RAB2B: variants seen among roughly 807,000 people sequenced by gnomAD.
RAB2B encodes RAB2B, member RAS oncogene family.
In RAB2B, 20 loss-of-function variants were observed where a neutral mutation model predicts 29.8. The ratio of observed to expected loss-of-function variants is 0.67; its 90% confidence interval spans 0.47 to 0.97. RAB2B has a LOEUF of 0.97. Ranked by LOEUF, RAB2B falls within the 50% of genes least tolerant of loss-of-function variation. RAB2B has a pLI of 0.00. For synonymous variants in RAB2B, 93 were observed against 91.7 expected (o/e 1.01, Z -0.08); for missense variants, 218 against 272.0 (o/e 0.80, Z 1.40).
rs546053774 is a variant in RAB2B, at chr14:21,460,506, A to G, written c.*690T>C. 107 of 236,886 alleles carry G rather than the reference A, an allele frequency of 4.5e-4. 1 individual carries two copies. The highest frequency in any genetic ancestry group is 2.5e-3 in the African/African-American group (102 of 40,048). 14.7% of individuals were successfully genotyped at this position (236,886 alleles called of 1,614,324 possible). On this transcript the variant is annotated 3_prime_UTR_variant, in exon 8 of 8. Coordinates refer to ENST00000397762, the MANE Select transcript of RAB2B (RefSeq NM_032846.4). ...AGGTTGAGGCAGGAGAACTGCTTGA[A>G]CCTGGAAAGTGGAGGTTGCAGTGAG... is the stretch of plus-strand genomic sequence containing the variant.
In RAB2B at chr14:21,460,988, A is replaced by G; in HGVS notation, c.*208T>C. 1 of 400,846 alleles carries G rather than the reference A, an allele frequency of 2.5e-6. No homozygotes were observed. The highest frequency in any genetic ancestry group is 4.5e-6 in the Non-Finnish European group (1 of 223,948). 24.8% of individuals were successfully genotyped at this position (400,846 alleles called of 1,614,324 possible). A position where few individuals can be genotyped will look rare whatever the true frequency, so the allele number is the denominator to read the frequency against. On this transcript the variant is annotated 3_prime_UTR_variant, in exon 8 of 8. Coordinates refer to ENST00000397762, the MANE Select transcript of RAB2B (RefSeq NM_032846.4). The stretch of plus-strand genomic sequence containing the variant: ...TAAGAAATTTGTATAGGAGGATAAG[A>G]AGAACCCTAATCTATAGGGAATGCT...
chr14:21,468,689 G>A lies in RAB2B; in HGVS notation c.250C>T (p.Leu84=). The stretch of plus-strand genomic sequence containing the variant: ...GCTCACCTTGTAATGTCGTACACCA[G>A]CAGTGCTCCAGCTGCTCCCCTGTAG... ...SYYRGAAGAL[L]VYDITRRETF... The change falls in exon 4 of 8, where the codon CTG becomes TTG. Residue 84 remains leucine, a synonymous_variant. Coordinates refer to ENST00000397762, the MANE Select transcript of RAB2B (RefSeq NM_032846.4). 4 of 1,578,718 alleles carry A rather than the reference G, an allele frequency of 2.5e-6. No individual in the cohort carries two copies. The highest frequency in any genetic ancestry group is 3.4e-6 in the Non-Finnish European group (4 of 1,164,868).
intron 3 of RAB2B, 85 bp downstream of exon 3, chr14:21,474,782 C>T (rs1890907495): frequency 9.2e-7 from 1 of 1,086,380 alleles, no homozygotes; most frequent in African/African-American, 1.6e-5. Flanking sequence ...CCATTAGTTC[C>T]ACCCTCATCG....
intron 1 of RAB2B, 96 bp from the exon 2 acceptor site, chr14:21,476,695 G>T: frequency 8.1e-7 from 1 of 1,232,824 alleles, no homozygotes; most frequent in Non-Finnish European, 1.1e-6. Flanking sequence ...CCCGAGCCCC[G>T]CCCCCGGCCG....
intron 3 of RAB2B, chr14:21,474,541 T>C (rs1407917819): frequency 3.7e-6 from 1 of 272,684 alleles, no homozygotes; most frequent in Non-Finnish European, 7.0e-6. Flanking sequence ...TCATCAGTAA[T>C]GATTTCCCTG....
At position 21,462,420 on chromosome 14, in the gene RAB2B, T is replaced by C; in HGVS notation, c.475-2A>G. 2 of 1,612,062 alleles carry C rather than the reference T, an allele frequency of 1.2e-6. No individual in the cohort carries two copies. The highest frequency in any genetic ancestry group is 1.7e-6 in the Non-Finnish European group (2 of 1,178,640). ...TTCTTTGGCTGTGTTAATGAAGGCC[T>C]GAAAGAGACATAAATCGTATCATCA... On this transcript the variant is annotated splice_acceptor_variant, in intron 6 of 7. Transcript: ENST00000397762. LOFTEE classifies it high-confidence loss of function.
chr14:21,474,633 A>G (rs1458264798), intron 3 of RAB2B: 3 of 462,212 alleles, frequency 6.5e-6, no homozygotes, highest in East Asian at 7.0e-5. Context: ...ATAAATTTAT[A>G]TTGTTTGATT....
intron 3 of RAB2B, among the ~76,000 whole-genome samples, chr14:21,470,350 A>C (rs777186406): frequency 6.6e-6 from 1 of 152,178 alleles, no homozygotes; most frequent in Admixed American, 6.5e-5. Flanking sequence ...CCATAATTTA[A>C]ACTTAGGATC....
chr14:21,461,094 T>TA lies in RAB2B; in HGVS notation c.*101dup, dbSNP rs1375812408. The TA allele has an allele frequency of 8.3e-6, 7 of 840,006 alleles. No individual in the cohort carries two copies. The highest frequency in any genetic ancestry group is 1.3e-5 in the Non-Finnish European group (7 of 525,312). 52.0% of individuals were successfully genotyped at this position (840,006 alleles called of 1,614,324 possible). ...GGTGGAAAGGCAAAACATCACACTT[T>TA]AAAAAGAGGCTGCTCTCAGCCAAAG... On this transcript the variant is annotated 3_prime_UTR_variant, in exon 8 of 8. Coordinates refer to ENST00000397762, the MANE Select transcript of RAB2B (RefSeq NM_032846.4).
At chr14:21,469,587 T>C (rs1248302679) in intron 3 of RAB2B, among the ~76,000 whole-genome samples, 3 of 152,224 alleles carry the variant, frequency 2.0e-5, no homozygotes, top group Admixed American at 6.5e-5. Flanking sequence ...AGTTCTTTTT[T>C]TTTCCTTTAG....
At chr14:21,470,546 A>G (rs1298670313) in intron 3 of RAB2B, among the ~76,000 whole-genome samples, 1 of 152,234 alleles carries the variant, frequency 6.6e-6, no homozygotes, top group Non-Finnish European at 1.5e-5. Context: ...TTAGAGAATC[A>G]GAATCGGAAA....
intron 3 of RAB2B, among the ~76,000 whole-genome samples, chr14:21,473,732 TC>T (rs778720692): frequency 1.3e-5 from 2 of 151,828 alleles, no homozygotes; most frequent in Non-Finnish European, 2.9e-5. Context: ...ACAAAAAACG[TC>T]CGGGAGTGGT....
rs886484904 is a variant in RAB2B, at chr14:21,459,365, T to G, written c.*1831A>C. ...CTGTATAAAACCCAGGGTAAACAAA[T>G]GAGTGGGGCAGAATTACAGAGAGAG... On this transcript the variant is annotated 3_prime_UTR_variant, in exon 8 of 8. Transcript: ENST00000397762. 1.3e-5 allele frequency: 2 copies of G among 152,056 alleles called. No individual in the cohort carries two copies. The highest frequency in any genetic ancestry group is 2.9e-5 in the Non-Finnish European group (2 of 68,004). The allele number at this position is 152,056 out of a possible 1,614,324, so 9.4% of individuals were successfully genotyped here. A position where few individuals can be genotyped will look rare whatever the true frequency, so the allele number is the denominator to read the frequency against.
intron 5 of RAB2B, among the ~76,000 whole-genome samples, chr14:21,464,579 TATAAAAG>T (rs1465816156): frequency 6.6e-6 from 1 of 151,912 alleles, no homozygotes; most frequent in Admixed American, 6.6e-5. Context: ...TACTAGTGCA[TATAAAAG>T]CAGCTTGCCA....
intron 3 of RAB2B, among the ~76,000 whole-genome samples, chr14:21,469,963 T>G (rs976472405): frequency 4.0e-5 from 6 of 151,250 alleles, no homozygotes; most frequent in Non-Finnish European, 7.4e-5. Context: ...TTTTTCTTTT[T>G]TTTTTTGAGA....
chr14:21,463,696 A>AAT lies in RAB2B; in HGVS notation c.432_433dup (p.Phe145TyrfsTer66). 1 of 1,614,060 alleles carries AAT rather than the reference A, an allele frequency of 6.2e-7. No homozygotes were observed. Among genetic ancestry groups the AAT allele is most frequent in the Non-Finnish European group, 8.5e-7 (1 of 1,179,946 alleles). On this transcript the variant is annotated frameshift_variant, in exon 6 of 8. Transcript: ENST00000397762. LOFTEE classifies it high-confidence loss of function. Reference sequence around the variant, plus strand: ...GGCTGTTTTGGCTGAAGTTTCCATGAATATAAGTCCATGCTCCCTAGCAAA... The same window carrying AAT: ...GGCTGTTTTGGCTGAAGTTTCCATGAATATATAAGTCCATGCTCCCTAGCAAA...
rs1180618641 is a variant in RAB2B, at chr14:21,459,902, T to G, written c.*1294A>C. ...TTTGATGAAACAGTAGAAGTCTATC[T>G]GGTGAAAGACACTACAATGTTAGAT... On this transcript the variant is annotated 3_prime_UTR_variant, in exon 8 of 8. Transcript: ENST00000397762. 1 of 294,678 alleles carries G rather than the reference T, an allele frequency of 3.4e-6. No homozygotes were observed. The highest frequency in any genetic ancestry group is 6.8e-6 in the Non-Finnish European group (1 of 146,876). 18.3% of individuals were successfully genotyped at this position (294,678 alleles called of 1,614,324 possible). A position where few individuals can be genotyped will look rare whatever the true frequency, so the allele number is the denominator to read the frequency against.
chr14:21,473,150 G>A (rs138192852), intron 3 of RAB2B, among the ~76,000 whole-genome samples: 11 of 152,216 alleles, frequency 7.2e-5, no homozygotes, highest in Non-Finnish European at 1.3e-4. Context: ...ATACACTTGC[G>A]TGTGGTGAGG....
intron 7 of RAB2B, among the ~76,000 whole-genome samples, 155 bp downstream of exon 7, chr14:21,462,195 C>T (rs1890571856): frequency 7.0e-6 from 1 of 142,990 alleles, no homozygotes; most frequent in African/African-American, 2.7e-5. Flanking sequence ...CTCTGTGTAC[C>T]TAGATTTAAA....
Sources: allele counts gnomAD v4.1 joint callset (sites outside exome capture counted in the v4.1 genomes callset), GRCh38; gene constraint gnomAD v4.1.1; transcripts MANE v1.5; gene names NCBI Gene and HGNC (gene_info 2026-07-23, HGNC 2026-07-21).